The following ACCSL variants were observed in gnomAD, a reference collection of about 807,000 sequenced individuals.
ACCSL encodes the protein probable inactive 1-aminocyclopropane-1-carboxylate synthase-like protein 2.
ACCSL carries 55 observed loss-of-function variants against 61.7 expected under a neutral mutation model. That is an observed-to-expected ratio of 0.89 (90% CI 0.72 to 1.12). The LOEUF is 1.12. Ranked by LOEUF, ACCSL falls within the 50% of genes most tolerant of loss-of-function variation. ACCSL has a pLI of 0.00. For missense variants in ACCSL, 632 were observed against 698.0 expected (o/e 0.91, Z 1.07); for synonymous variants, 258 against 264.3 (o/e 0.98, Z 0.23).
upstream of ACCSL, among the ~76,000 whole-genome samples, chr11:44,047,646 T>C (rs1952607234): frequency 1.3e-5 from 2 of 152,218 alleles, no homozygotes; most frequent in Admixed American, 1.3e-4. Flanking sequence ...GTGATGGTGA[T>C]TGTTTTTGAG....
At chr11:44,038,126 A>G in the ACCSL span, among the ~76,000 whole-genome samples, 1 of 152,156 alleles carries the variant, frequency 6.6e-6, no homozygotes, top group Non-Finnish European at 1.5e-5. Context: ...TATAAAAATG[A>G]AAGGTGGGAT....
At chr11:43,933,465 C>T in the ACCSL span, 3 of 207,412 alleles carry the variant, frequency 1.4e-5, no homozygotes, top group East Asian at 2.0e-4. Context: ...TCTCTGTCTT[C>T]ATCTCAAAAG....
chr11:44,031,311 C>T, the ACCSL span, among the ~76,000 whole-genome samples: 116 of 152,292 alleles, frequency 7.6e-4, no homozygotes, highest in African/African-American at 2.4e-3. Context: ...CAGTCCGGCT[C>T]CCCCAGGGTA....
chr11:43,993,383 C>T, the ACCSL span, among the ~76,000 whole-genome samples: 1 of 152,134 alleles, frequency 6.6e-6, no homozygotes, highest in Non-Finnish European at 1.5e-5. Context: ...AGGATTCAGA[C>T]TCTGGCAGGC....
At chr11:44,018,802 TTAAAAA>T in the ACCSL span, among the ~76,000 whole-genome samples, 1 of 152,300 alleles carries the variant, frequency 6.6e-6, no homozygotes, top group South Asian at 2.1e-4. Context: ...ACCCCATTTC[TTAAAAA>T]TAAAAGGAAA....
At chr11:43,988,067 C>T in the ACCSL span, among the ~76,000 whole-genome samples, 1 of 152,150 alleles carries the variant, frequency 6.6e-6, no homozygotes, top group Non-Finnish European at 1.5e-5. Context: ...GATGCCCTAG[C>T]CTCAGCTCCA....
the ACCSL span, among the ~76,000 whole-genome samples, chr11:43,981,217 A>G: frequency 6.6e-6 from 1 of 152,224 alleles, no homozygotes; most frequent in Non-Finnish European, 1.5e-5. Context: ...TCATGCCTCC[A>G]TGTAGCCTAC....
intron 9 of ACCSL, 110 bp from the exon 10 acceptor site, chr11:44,055,930 T>C (rs1952668132): frequency 2.4e-6 from 3 of 1,255,072 alleles, no homozygotes; most frequent in African/African-American, 3.0e-5. Context: ...TTGGGCCCTA[T>C]AGGCCCTTCT....
At chr11:43,993,751 G>T in the ACCSL span, among the ~76,000 whole-genome samples, 4 of 152,136 alleles carry the variant, frequency 2.6e-5, no homozygotes, top group African/African-American at 9.7e-5. Context: ...CAGGAAACCT[G>T]GGCAGGAAGG....
In ACCSL at chr11:44,049,290, C is replaced by T. The variant is rs3094399; in HGVS notation, c.504+750C>T. 5.5e-3 allele frequency among the ~76,000 whole-genome samples: 835 copies of T among 151,996 alleles called. 5 individuals are homozygous for T. The highest frequency in any genetic ancestry group is 0.019 in the African/African-American group (804 of 41,448). ...CAAAAACTAGCCAGGCGTGGTGGCA[C>T]ACACCTATAGTCCCAACTATCTGGG... On this transcript the variant is annotated intron_variant, in intron 1 of 13. Transcript: ENST00000378832.
chr11:44,017,541 T>G, the ACCSL span, among the ~76,000 whole-genome samples: 6 of 152,176 alleles, frequency 3.9e-5, no homozygotes, highest in African/African-American at 1.4e-4. Context: ...GGGGTTAGTG[T>G]TCTCCCAGGC....
chr11:43,954,009 A>G, the ACCSL span, among the ~76,000 whole-genome samples: 1 of 152,074 alleles, frequency 6.6e-6, no homozygotes, highest in Admixed American at 6.5e-5. Flanking sequence ...CTGTATTGGG[A>G]TGTGCAAGGT....
chr11:44,012,291 T>A, the ACCSL span, among the ~76,000 whole-genome samples: 1 of 147,536 alleles, frequency 6.8e-6, no homozygotes. Context: ...TTGATTAACT[T>A]TTTTTTTTTT....
the ACCSL span, among the ~76,000 whole-genome samples, chr11:44,009,492 G>A: frequency 6.6e-6 from 1 of 152,186 alleles, no homozygotes; most frequent in African/African-American, 2.4e-5. Flanking sequence ...AGGGCCGGGC[G>A]CAGTGGCTCA....
Position 44,053,474 on chromosome 11 carries a change from C to T in ACCSL, c.1017C>T (p.Asp339=), listed in dbSNP as rs1166054675. Residue 339 remains aspartate, a synonymous_variant, in exon 8 of 14, where the codon GAC becomes GAT. Transcript: ENST00000378832. ...QNPLGDIYSP[D]SLMKYLEFAK... ...CTCTGGGTGACATCTACTCCCCAGA[C>T]TCACTGATGAAATACCTGGAATTTG... The T allele has an allele frequency of 1.2e-6, 2 of 1,614,050 alleles. No individual in the cohort carries two copies. Among genetic ancestry groups the T allele is most frequent in the South Asian group, 1.1e-5 (1 of 91,088 alleles).
the ACCSL span, among the ~76,000 whole-genome samples, chr11:43,928,554 G>A: frequency 2.6e-5 from 4 of 152,158 alleles, no homozygotes; most frequent in Admixed American, 6.5e-5. Context: ...TCTGCCAGCC[G>A]CCAGGAGGAT....
At chr11:44,005,814 C>T in the ACCSL span, among the ~76,000 whole-genome samples, 1 of 152,150 alleles carries the variant, frequency 6.6e-6, no homozygotes, top group African/African-American at 2.4e-5. Flanking sequence ...CCTGTTATCC[C>T]CACTTTACAG....
chr11:44,025,603 T>C, the ACCSL span, among the ~76,000 whole-genome samples: 1 of 147,974 alleles, frequency 6.8e-6, no homozygotes, highest in African/African-American at 2.5e-5. Flanking sequence ...CAAAAACATA[T>C]CTTTGAACTG....
intron 1 of ACCSL, among the ~76,000 whole-genome samples, chr11:44,049,245 C>A (rs1327392475): frequency 6.6e-6 from 1 of 151,322 alleles, no homozygotes; most frequent in East Asian, 1.9e-4. Flanking sequence ...CATGGTGAAA[C>A]CTCATCTCTA....
Sources: gnomAD v4.1 joint callset for allele counts (sites outside exome capture counted in the v4.1 genomes callset) on GRCh38, gnomAD v4.1.1 for gene constraint, MANE v1.5 for transcripts, NCBI Gene and HGNC (gene_info 2026-07-23, HGNC 2026-07-21) for gene names.